The following VPS8 variants were observed in gnomAD, a reference collection of about 807,000 sequenced individuals.
VPS8 encodes the protein vacuolar protein sorting-associated protein 8 homolog.
Under a neutral mutation model 216.4 loss-of-function variants are expected in VPS8, and 129 were observed. The ratio of observed to expected loss-of-function variants is 0.60; its 90% CI spans 0.52 to 0.69. The LOEUF (loss-of-function observed/expected upper bound fraction) is 0.69. VPS8 is among the 30% of genes least tolerant of loss of function. VPS8 has a pLI of 0.00. For missense variants in VPS8, 1,531 were observed against 1,683.5 expected, an observed-to-expected ratio of 0.91 and a Z score of 1.59; for synonymous variants, 571 against 565.4, an observed-to-expected ratio of 1.01 and a Z score of -0.14.
intron 15 of VPS8, among the ~76,000 whole-genome samples, chr3:184,862,238 CA>C (rs1325141016): frequency 6.7e-6 from 1 of 149,550 alleles, no homozygotes; most frequent in African/African-American, 2.5e-5. Flanking sequence ...TTGGGATTGC[CA>C]AAAAAAAATT....
intron 9 of VPS8, 84 bp from the exon 10 acceptor site, chr3:184,849,852 A>G: frequency 2.0e-6 from 2 of 989,408 alleles, no homozygotes; most frequent in East Asian, 4.8e-5. Flanking sequence ...GTCAAGGAAT[A>G]GATTATTCCA....
At chr3:185,024,766 G>A (rs970636336) in intron 46 of VPS8, among the ~76,000 whole-genome samples, 6 of 152,168 alleles carry the variant, frequency 3.9e-5, no homozygotes, top group African/African-American at 1.4e-4. Flanking sequence ...ACTTTGGGAG[G>A]CTGAGGTGGA....
At chr3:184,831,690 A>G (rs1176293986) in intron 3 of VPS8, among the ~76,000 whole-genome samples, 1 of 152,102 alleles carries the variant, frequency 6.6e-6, no homozygotes, top group African/African-American at 2.4e-5. Flanking sequence ...CTCTCCTCCC[A>G]TCCGTACTCC....
chr3:184,924,785 C>A, intron 29 of VPS8, 77 bp from the exon 30 acceptor site: 1 of 1,461,866 alleles, frequency 6.8e-7, no homozygotes, highest in South Asian at 1.3e-5. Context: ...GAGGCTATCC[C>A]GTCTTCTAAT....
intron 40 of VPS8, among the ~76,000 whole-genome samples, chr3:184,973,350 T>C (rs1465315886): frequency 6.6e-6 from 1 of 152,178 alleles, no homozygotes; most frequent in East Asian, 1.9e-4. Flanking sequence ...TTTAAAAATA[T>C]AGTACTCAAA....
chr3:184,935,588 G>A (rs1741464585), intron 34 of VPS8, among the ~76,000 whole-genome samples: 1 of 152,060 alleles, frequency 6.6e-6, no homozygotes, highest in Non-Finnish European at 1.5e-5. Flanking sequence ...AGGTACAATT[G>A]GAAAGGTAGA....
At chr3:184,853,725 T>C (rs1560392721) in intron 11 of VPS8, 132 bp from the exon 12 acceptor site, 2 of 841,770 alleles carry the variant, frequency 2.4e-6, no homozygotes, top group East Asian at 5.3e-5. Context: ...ACCATGCTGC[T>C]GTCCTGTGGA....
chr3:184,911,758 T>C (rs545566472), intron 25 of VPS8, among the ~76,000 whole-genome samples: 5 of 152,294 alleles, frequency 3.3e-5, no homozygotes, highest in Non-Finnish European at 7.4e-5. Context: ...TCTGGCCCCC[T>C]TGATTTACAA....
At position 184,858,903 on chromosome 3, in the gene VPS8, G is replaced by A. The variant is rs73885605; in HGVS notation, c.1144-1082G>A. The stretch of plus-strand genomic sequence containing the variant: ...TTCAGGATCACACTGATAAAACCAT[G>A]TTTTATCTCCTGTTACAGTTTTTCA... On this transcript the variant is annotated intron_variant, in intron 14 of 47. Transcript: ENST00000625842. Among the ~76,000 whole-genome samples, 364 of 152,132 alleles carry A rather than the reference G, an allele frequency of 2.4e-3. 1 individual carries two copies. Among genetic ancestry groups the A allele is most frequent in the African/African-American group, 8.4e-3 (348 of 41,494 alleles).
chr3:184,832,865 A>G (rs79928432), intron 4 of VPS8, 46 bp downstream of exon 4: 132 of 1,572,668 alleles, frequency 8.4e-5, no homozygotes, highest in East Asian at 7.9e-4. Flanking sequence ...GAAGTATTCA[A>G]TTGTTTCAAA....
intron 46 of VPS8, among the ~76,000 whole-genome samples, chr3:185,035,008 A>C (rs536953254): frequency 1.2e-4 from 18 of 152,174 alleles, no homozygotes; most frequent in Non-Finnish European, 2.5e-4. Flanking sequence ...GAAATGGATA[A>C]ATTCCTGGAA....
At chr3:184,956,138 A>G (rs1745560837) in intron 36 of VPS8, among the ~76,000 whole-genome samples, 1 of 152,216 alleles carries the variant, frequency 6.6e-6, no homozygotes, top group South Asian at 2.1e-4. Flanking sequence ...CCCTGTGTCT[A>G]AATACAGTCT....
chr3:185,043,917 C>T (rs1294213761), intron 46 of VPS8, among the ~76,000 whole-genome samples: 1 of 152,138 alleles, frequency 6.6e-6, no homozygotes, highest in Non-Finnish European at 1.5e-5. Context: ...CGGCTGGGCA[C>T]AGTGGCTCAC....
At chr3:185,039,483 A>G (rs1030048960) in intron 46 of VPS8, among the ~76,000 whole-genome samples, 6 of 151,306 alleles carry the variant, frequency 4.0e-5, no homozygotes, top group Admixed American at 3.9e-4. Flanking sequence ...AAAAAGGGGC[A>G]TTGCTAGCCT....
At chr3:185,041,078 A>T (rs908365284) in intron 46 of VPS8, among the ~76,000 whole-genome samples, 1 of 152,098 alleles carries the variant, frequency 6.6e-6, no homozygotes, top group Non-Finnish European at 1.5e-5. Flanking sequence ...GGTGGTACGC[A>T]TCTGTAATCC....
At chr3:184,909,108 C>G (rs968841357) in intron 25 of VPS8, among the ~76,000 whole-genome samples, 3 of 152,334 alleles carry the variant, frequency 2.0e-5, no homozygotes, top group Admixed American at 1.3e-4. Context: ...TTGACTACCC[C>G]CTGTCGCTAT....
intron 14 of VPS8, among the ~76,000 whole-genome samples, chr3:184,859,705 G>A (rs1486086475): frequency 1.3e-5 from 2 of 152,116 alleles, no homozygotes; most frequent in Non-Finnish European, 2.9e-5. Flanking sequence ...ATAAAGTTAG[G>A]TTGTTCTGAA....
chr3:185,047,970 G>C (rs1509503), intron 46 of VPS8, among the ~76,000 whole-genome samples: 34,728 of 152,144 alleles, frequency 0.23, 5,255 homozygotes, highest in East Asian at 0.53. Flanking sequence ...GCTGCTGTAA[G>C]AGCAGGCTAG....
intron 34 of VPS8, among the ~76,000 whole-genome samples, chr3:184,935,094 G>A (rs781089979): frequency 2.6e-5 from 4 of 152,072 alleles, no homozygotes; most frequent in East Asian, 3.9e-4. Flanking sequence ...TTGGGAGGCC[G>A]AGGCAGGATG....
Sources: gnomAD v4.1 joint callset for allele counts (sites outside exome capture counted in the v4.1 genomes callset) on GRCh38, gnomAD v4.1.1 for gene constraint, MANE v1.5 for transcripts, NCBI Gene and HGNC (gene_info 2026-07-23, HGNC 2026-07-21) for gene names.